Variants in CPLX4 observed in about 807,000 individuals in gnomAD.
CPLX4 encodes the protein complexin 4.
Under a neutral mutation model 16.1 loss-of-function variants are expected in CPLX4, and 17 were observed. The ratio of observed to expected loss-of-function variants is 1.06; its 90% confidence interval spans 0.72 to 1.59. CPLX4 has a LOEUF of 1.59. CPLX4 is among the 40% of genes most tolerant of loss of function. CPLX4 has a pLI of 0.00. For missense variants in CPLX4, 193 were observed against 192.9 expected, an observed-to-expected ratio of 1.00 and a Z score of 0.00; for synonymous variants, 55 against 57.8, an observed-to-expected ratio of 0.95 and a Z score of 0.22.
chr18:59,311,542 C>T (rs2144189905), intron 2 of CPLX4, among the ~76,000 whole-genome samples: 1 of 152,294 alleles, frequency 6.6e-6, no homozygotes, highest in East Asian at 1.9e-4. Context: ...CTTTCTAGAC[C>T]ACCCAGACTT....
rs144069269 is a variant in CPLX4, at chr18:59,296,861, C to T, written c.320G>A (p.Arg107Gln). Residue 107 changes from arginine to glutamine, a missense_variant, in exon 3 of 3, where the codon CGG becomes CAG. Coordinates refer to ENST00000299721, the MANE Select transcript of CPLX4 (RefSeq NM_181654.4). ...TTCTTGATCTTCATCTACCATTTTCCGGAGATCTTCAGGTAAATCCACATC... is the reference window on the plus strand; with the variant it reads ...TTCTTGATCTTCATCTACCATTTTCTGGAGATCTTCAGGTAAATCCACATC... The part of the protein sequence containing the change: ...GDDVDLPEDL[R>Q]KMVDEDQEEE... 270 of 1,613,548 alleles carry T rather than the reference C, an allele frequency of 1.7e-4. No individual in the cohort carries two copies. The highest frequency in any genetic ancestry group is 3.3e-4 in the Middle Eastern group (2 of 6,076).
intron 1 of CPLX4, among the ~76,000 whole-genome samples, chr18:59,314,351 T>A (rs2070638240): frequency 8.6e-6 from 1 of 116,448 alleles, no homozygotes; most frequent in African/African-American, 4.1e-5. Flanking sequence ...TCACTGTACT[T>A]TTTTTTTTAT....
In CPLX4 at chr18:59,296,516, A is replaced by C; in HGVS notation, c.*182T>G. 1.5e-6 allele frequency: 1 copy of C among 649,944 alleles called. No individual in the cohort carries two copies. The highest frequency in any genetic ancestry group is 2.6e-6 in the Non-Finnish European group (1 of 377,702). 40.3% of individuals were successfully genotyped at this position (649,944 alleles called of 1,614,324 possible). On this transcript the variant is annotated 3_prime_UTR_variant, in exon 3 of 3. Transcript: ENST00000299721. The stretch of plus-strand genomic sequence containing the variant: ...AAAAGGAAAGTAAGGTTCCCGCTGC[A>C]AGGTGTTAGCTAAATGCTCTGCCAG...
chr18:59,299,659 T>C (rs1044670657), intron 2 of CPLX4, among the ~76,000 whole-genome samples: 6 of 152,200 alleles, frequency 3.9e-5, no homozygotes, highest in African/African-American at 2.4e-5. Context: ...GTTCGTTTTA[T>C]CCTTGTGCTT....
intron 2 of CPLX4, among the ~76,000 whole-genome samples, chr18:59,298,792 C>T (rs904280916): frequency 2.0e-5 from 3 of 152,138 alleles, no homozygotes; most frequent in Non-Finnish European, 2.9e-5. Flanking sequence ...AAGTCTTTTC[C>T]AGTTCTAACA....
intron 2 of CPLX4, among the ~76,000 whole-genome samples, chr18:59,297,923 C>T (rs2070512767): frequency 6.6e-6 from 1 of 152,162 alleles, no homozygotes; most frequent in African/African-American, 2.4e-5. Context: ...ACACAGTACA[C>T]ATGTATTAAG....
intron 1 of CPLX4, among the ~76,000 whole-genome samples, chr18:59,316,540 C>A (rs1395266484): frequency 6.6e-6 from 1 of 152,124 alleles, no homozygotes; most frequent in African/African-American, 2.4e-5. Flanking sequence ...AAAACTCAAA[C>A]AATGGACTGA....
At chr18:59,308,856 A>C (rs1054898657) in intron 2 of CPLX4, among the ~76,000 whole-genome samples, 1 of 152,188 alleles carries the variant, frequency 6.6e-6, no homozygotes, top group African/African-American at 2.4e-5. Context: ...CTGTACCCAG[A>C]GCCTCGTCAG....
chr18:59,304,734 G>A (rs2070564169), intron 2 of CPLX4, among the ~76,000 whole-genome samples: 3 of 152,138 alleles, frequency 2.0e-5, no homozygotes, highest in African/African-American at 7.2e-5. Context: ...ACCATGCCCA[G>A]CTAATTTTTG....
intron 1 of CPLX4, among the ~76,000 whole-genome samples, chr18:59,317,271 C>T (rs1441218698): frequency 1.3e-5 from 2 of 151,938 alleles, no homozygotes; most frequent in Admixed American, 6.6e-5. Context: ...GCAAAAGAGT[C>T]CTGGTGGCAA....
chr18:59,295,953 C>G lies in CPLX4; in HGVS notation c.*745G>C, dbSNP rs983136937. ...AAGTTCAGACAAGGAGAGTTAAGCT[C>G]AACTCAAAAAGAGCAGCCGTCTGCC... On this transcript the variant is annotated 3_prime_UTR_variant, in exon 3 of 3. Coordinates refer to ENST00000299721, the MANE Select transcript of CPLX4 (RefSeq NM_181654.4). The G allele has an allele frequency of 6.6e-6, 1 of 152,208 alleles. No homozygotes were observed. The highest frequency in any genetic ancestry group is 1.5e-5 in the Non-Finnish European group (1 of 68,050). 9.4% of individuals were successfully genotyped at this position (152,208 alleles called of 1,614,324 possible). A position where few individuals can be genotyped will look rare whatever the true frequency, so the allele number is the denominator to read the frequency against.
chr18:59,306,862 C>G (rs1449154371), intron 2 of CPLX4, among the ~76,000 whole-genome samples: 1 of 152,156 alleles, frequency 6.6e-6, no homozygotes, highest in Non-Finnish European at 1.5e-5. Flanking sequence ...GGGGTCATCC[C>G]TCATTAGCTG....
At position 59,296,580 on chromosome 18, in the gene CPLX4, T is replaced by C; in HGVS notation, c.*118A>G. ...AACCAAATTATTGTCTGTCAATGGA[T>C]CATCGTGGTTTTCCTAACTGTGTTC... On this transcript the variant is annotated 3_prime_UTR_variant, in exon 3 of 3. Coordinates refer to ENST00000299721, the MANE Select transcript of CPLX4 (RefSeq NM_181654.4). 1 of 1,028,982 alleles carries C rather than the reference T, an allele frequency of 9.7e-7. No individual in the cohort carries two copies. The highest frequency in any genetic ancestry group is 1.5e-5 in the South Asian group (1 of 67,672). The allele number at this position is 1,028,982 out of a possible 1,614,324, so 63.7% of individuals were successfully genotyped here.
At chr18:59,312,575 T>A (rs1282083378) in intron 2 of CPLX4, 110 bp downstream of exon 2, 7 of 154,074 alleles carry the variant, frequency 4.5e-5, no homozygotes, top group Non-Finnish European at 9.1e-5. Flanking sequence ...ATATCTTGAA[T>A]ATATATATAT....
intron 2 of CPLX4, among the ~76,000 whole-genome samples, chr18:59,301,102 T>A (rs2070538165): frequency 6.6e-6 from 1 of 152,160 alleles, no homozygotes. Flanking sequence ...GCATGGCCCC[T>A]ACCCCACTCC....
intron 2 of CPLX4, among the ~76,000 whole-genome samples, chr18:59,304,369 C>A (rs1462445841): frequency 1.3e-5 from 2 of 152,122 alleles, no homozygotes; most frequent in African/African-American, 4.8e-5. Flanking sequence ...TAGAAAGAAT[C>A]TTGTAGCTTT....
chr18:59,316,716 G>A (rs1003389347), intron 1 of CPLX4, among the ~76,000 whole-genome samples: 8 of 152,054 alleles, frequency 5.3e-5, no homozygotes, highest in Non-Finnish European at 1.0e-4. Context: ...GCCATTTTGA[G>A]CTTTGATCTG....
chr18:59,314,127 C>T (rs1392382562), intron 1 of CPLX4, among the ~76,000 whole-genome samples: 1 of 152,166 alleles, frequency 6.6e-6, no homozygotes, highest in Non-Finnish European at 1.5e-5. Context: ...CACAGAATGT[C>T]AGGTCTGGAA....
chr18:59,318,147 A>G, intron 1 of CPLX4, 149 bp downstream of exon 1: 1 of 1,347,408 alleles, frequency 7.4e-7, no homozygotes, highest in Non-Finnish European at 9.6e-7. Flanking sequence ...CGTTTACTTT[A>G]GAAGAACAAC....
Sources: gnomAD v4.1 joint callset for allele counts (sites outside exome capture counted in the v4.1 genomes callset) on GRCh38, gnomAD v4.1.1 for gene constraint, MANE v1.5 for transcripts, NCBI Gene and HGNC (gene_info 2026-07-23, HGNC 2026-07-21) for gene names.